DCC: variants seen among roughly 807,000 people sequenced by gnomAD.
DCC encodes the protein DCC netrin 1 receptor, also known as netrin receptor DCC.
In DCC, 58 loss-of-function variants were observed where a neutral mutation model predicts 172.5. The observed-to-expected ratio is 0.34, with a 90% CI of 0.27 to 0.42. DCC has a LOEUF of 0.42. Ranked by LOEUF, DCC falls within the 10% of genes least tolerant of loss-of-function variation. DCC has a pLI of 1.00. For synonymous variants in DCC, 709 were observed against 644.5 expected, an observed-to-expected ratio of 1.10 and a Z score of -1.52; for missense variants, 1,740 against 1,791.0, an observed-to-expected ratio of 0.97 and a Z score of 0.51.
In DCC at chr18:52,518,691, G is replaced by A. The variant is rs16955137; in HGVS notation, c.91+177813G>A. Among the ~76,000 whole-genome samples, 1,256 of 152,296 alleles carry A rather than the reference G, an allele frequency of 8.2e-3. 22 individuals are homozygous for A. Among genetic ancestry groups the A allele is most frequent in the African/African-American group, 0.029 (1,199 of 41,564 alleles). ...TTCTCACTTTCTCTTCTCTGTTCTC[G>A]TGTGTATGTGCCCACTTGCAAAGTG... is the stretch of plus-strand genomic sequence containing the variant. On this transcript the variant is annotated intron_variant, in intron 1 of 28. Coordinates refer to ENST00000442544, the MANE Select transcript of DCC (RefSeq NM_005215.4).
chr18:52,615,747 A>C (rs1270954301), intron 1 of DCC, among the ~76,000 whole-genome samples: 1 of 152,164 alleles, frequency 6.6e-6, no homozygotes, highest in African/African-American at 2.4e-5. Context: ...ATGATGAATA[A>C]GACCCCTCCT....
At chr18:53,222,773 A>C (rs1361424729) in intron 12 of DCC, among the ~76,000 whole-genome samples, 1 of 152,130 alleles carries the variant, frequency 6.6e-6, no homozygotes, top group East Asian at 1.9e-4. Context: ...ATTAAAGGCT[A>C]TGAGAAGTAT....
intron 4 of DCC, among the ~76,000 whole-genome samples, chr18:52,924,584 TCTTA>T (rs1336332174): frequency 2.6e-5 from 4 of 152,078 alleles, no homozygotes; most frequent in Non-Finnish European, 5.9e-5. Flanking sequence ...ATGAAATGGA[TCTTA>T]CTTAATTTCA....
At chr18:52,915,864 G>T (rs1311351181) in intron 3 of DCC, among the ~76,000 whole-genome samples, 2 of 152,068 alleles carry the variant, frequency 1.3e-5, no homozygotes, top group Non-Finnish European at 2.9e-5. Flanking sequence ...GAGTATTTCA[G>T]AAACATGATT....
At chr18:53,526,108 G>C (rs1276993622) in intron 27 of DCC, among the ~76,000 whole-genome samples, 1 of 144,990 alleles carries the variant, frequency 6.9e-6, no homozygotes, top group East Asian at 2.2e-4. Flanking sequence ...TTCCAAAATA[G>C]AATTAAAAAT....
At chr18:53,159,417 C>T (rs756558956) in intron 8 of DCC, among the ~76,000 whole-genome samples, 20 of 152,146 alleles carry the variant, frequency 1.3e-4, no homozygotes, top group Non-Finnish European at 2.4e-4. Flanking sequence ...CATAGCTCAG[C>T]CATGCTTCCT....
chr18:52,365,869 C>G (rs1984824868), intron 1 of DCC, among the ~76,000 whole-genome samples: 1 of 152,150 alleles, frequency 6.6e-6, no homozygotes, highest in South Asian at 2.1e-4. Flanking sequence ...ATGAGTATGG[C>G]TTTGTTCCAA....
chr18:53,443,871 A>T (rs1237702692), intron 22 of DCC, among the ~76,000 whole-genome samples: 1 of 152,218 alleles, frequency 6.6e-6, no homozygotes, highest in Non-Finnish European at 1.5e-5. Context: ...AATCCCAGTA[A>T]CTGCGATCGA....
At chr18:52,889,971 T>C (rs1321994667) in intron 2 of DCC, among the ~76,000 whole-genome samples, 4 of 152,124 alleles carry the variant, frequency 2.6e-5, no homozygotes, top group Non-Finnish European at 5.9e-5. Context: ...ACAGTGTGAA[T>C]ATCCAAAGAA....
chr18:52,881,454 A>T (rs576761966), intron 2 of DCC, among the ~76,000 whole-genome samples: 3 of 152,224 alleles, frequency 2.0e-5, no homozygotes, highest in African/African-American at 7.2e-5. Context: ...GTTCCCCAAA[A>T]GTTTTACTGT....
At chr18:52,770,749 T>A (rs2037327691) in intron 2 of DCC, among the ~76,000 whole-genome samples, 1 of 152,204 alleles carries the variant, frequency 6.6e-6, no homozygotes, top group African/African-American at 2.4e-5. Flanking sequence ...GTTATCAGTG[T>A]ACAGGGAAAA....
chr18:52,556,387 A>G (rs2032916162), intron 1 of DCC, among the ~76,000 whole-genome samples: 1 of 152,246 alleles, frequency 6.6e-6, no homozygotes, highest in African/African-American at 2.4e-5. Context: ...AACATAGAAT[A>G]TGATTTCCTC....
At chr18:52,361,032 G>A (rs931261086) in intron 1 of DCC, among the ~76,000 whole-genome samples, 1 of 152,136 alleles carries the variant, frequency 6.6e-6, no homozygotes, top group Non-Finnish European at 1.5e-5. Flanking sequence ...TGCCTAATTT[G>A]TCTCACATGA....
At chr18:52,854,243 CCT>C (rs1484057922) in intron 2 of DCC, among the ~76,000 whole-genome samples, 1 of 152,096 alleles carries the variant, frequency 6.6e-6, no homozygotes, top group Non-Finnish European at 1.5e-5. Flanking sequence ...CAAAGTATAA[CCT>C]CTCATTTATT....
chr18:52,521,394 G>A (rs897928122), intron 1 of DCC, among the ~76,000 whole-genome samples: 3 of 152,052 alleles, frequency 2.0e-5, no homozygotes, highest in Non-Finnish European at 2.9e-5. Flanking sequence ...TGCTTTAAAC[G>A]ACAAAAATTT....
At chr18:52,560,229 T>C (rs531454175) in intron 1 of DCC, among the ~76,000 whole-genome samples, 1 of 152,224 alleles carries the variant, frequency 6.6e-6, no homozygotes. Flanking sequence ...AAAGCAGCCA[T>C]TAAAAGTATG....
chr18:53,335,897 C>T (rs1049107415), intron 14 of DCC, among the ~76,000 whole-genome samples: 1 of 152,020 alleles, frequency 6.6e-6, no homozygotes, highest in Non-Finnish European at 1.5e-5. Flanking sequence ...AGGGAAAGTC[C>T]CCTTTATAAA....
intron 1 of DCC, among the ~76,000 whole-genome samples, chr18:52,667,502 T>G (rs1421212037): frequency 6.6e-6 from 1 of 152,234 alleles, no homozygotes; most frequent in East Asian, 1.9e-4. Flanking sequence ...AGGGCTTCTT[T>G]GTCTTCAAGG....
intron 27 of DCC, among the ~76,000 whole-genome samples, chr18:53,501,124 T>G (rs1277307031): frequency 6.6e-6 from 1 of 152,236 alleles, no homozygotes; most frequent in Admixed American, 6.5e-5. Context: ...GTATTCAAGA[T>G]AGTTGACAGC....
Sources: gnomAD v4.1 joint callset for allele counts (sites outside exome capture counted in the v4.1 genomes callset) on GRCh38, gnomAD v4.1.1 for gene constraint, MANE v1.5 for transcripts, NCBI Gene and HGNC (gene_info 2026-07-23, HGNC 2026-07-21) for gene names.